Variants in CWC27 observed in about 807,000 individuals in gnomAD.
The protein encoded by CWC27 is spliceosome-associated protein CWC27 homolog.
Under a neutral mutation model 63.6 loss-of-function variants are expected in CWC27, and 47 were observed. That is an observed-to-expected ratio of 0.74 (90% CI 0.58 to 0.94). The LOEUF (loss-of-function observed/expected upper bound fraction) is 0.94. Ranked by LOEUF, CWC27 falls within the 40% of genes least tolerant of loss-of-function variation. The pLI, the probability that CWC27 is intolerant of heterozygous loss-of-function variation, is 0.00. For synonymous variants in CWC27, 175 were observed against 179.8 expected, an observed-to-expected ratio of 0.97 and a Z score of 0.22; for missense variants, 495 against 554.3, an observed-to-expected ratio of 0.89 and a Z score of 1.07.
rs531016017 is a variant in CWC27, at chr5:64,950,584, A to G, written c.1043-21119A>G. 2.6e-5 allele frequency among the ~76,000 whole-genome samples: 4 copies of G among 152,158 alleles called. No individual in the cohort carries two copies. In the South Asian group the frequency reaches 8.3e-4, roughly 31 times the overall value. ...CATTTGAATTATTTTGCTATTTTAC[A>G]TTATGGAGAATAAGGCAAGGTGTGG... is the stretch of plus-strand genomic sequence containing the variant. On this transcript the variant is annotated intron_variant, in intron 11 of 13. Coordinates refer to ENST00000381070, the MANE Select transcript of CWC27 (RefSeq NM_005869.4).
intron 11 of CWC27, among the ~76,000 whole-genome samples, chr5:64,908,275 T>C (rs1443393456): frequency 1.3e-5 from 2 of 152,224 alleles, no homozygotes; most frequent in Non-Finnish European, 2.9e-5. Flanking sequence ...TCTGTTCTTT[T>C]ACATTTGCTG....
intron 11 of CWC27, among the ~76,000 whole-genome samples, chr5:64,937,921 C>CTTTT (rs1211082437): frequency 4.0e-5 from 4 of 99,298 alleles, no homozygotes; most frequent in Non-Finnish European, 6.0e-5. Flanking sequence ...GCAATCTCTG[C>CTTTT]TTTTTTTTTT....
intron 10 of CWC27, among the ~76,000 whole-genome samples, chr5:64,880,953 G>C (rs1746922418): frequency 6.7e-6 from 1 of 150,118 alleles, no homozygotes; most frequent in East Asian, 2.0e-4. Context: ...TAGTTTGGCA[G>C]TATATGGTGA....
intron 11 of CWC27, among the ~76,000 whole-genome samples, chr5:64,942,536 A>G (rs550839663): frequency 6.6e-6 from 1 of 152,080 alleles, no homozygotes; most frequent in South Asian, 2.1e-4. Context: ...TATGTATAAT[A>G]TATTTAAGGC....
chr5:64,949,854 G>A (rs1326619814), intron 11 of CWC27, among the ~76,000 whole-genome samples: 2 of 151,772 alleles, frequency 1.3e-5, no homozygotes, highest in African/African-American at 2.4e-5. Flanking sequence ...TTCATCATTG[G>A]ACCAGTGTTT....
intron 11 of CWC27, among the ~76,000 whole-genome samples, chr5:64,951,697 G>A (rs947670192): frequency 6.6e-6 from 1 of 151,842 alleles, no homozygotes; most frequent in Admixed American, 6.6e-5. Flanking sequence ...TTCATATATA[G>A]ATTTCTCTGT....
At chr5:64,804,071 A>G (rs572688195) in intron 9 of CWC27, among the ~76,000 whole-genome samples, 158 bp from the exon 10 acceptor site, 6 of 152,090 alleles carry the variant, frequency 3.9e-5, no homozygotes, top group African/African-American at 1.4e-4. Flanking sequence ...CACCTGTAGC[A>G]GATTCTTCAA....
chr5:64,775,111 C>T (rs1743395457), intron 2 of CWC27, among the ~76,000 whole-genome samples: 1 of 152,164 alleles, frequency 6.6e-6, no homozygotes, highest in Admixed American at 6.5e-5. Context: ...TCTCTATTGT[C>T]ATCACTCTCT....
At chr5:64,988,392 T>C (rs1449654749) in intron 13 of CWC27, among the ~76,000 whole-genome samples, 2 of 152,176 alleles carry the variant, frequency 1.3e-5, no homozygotes, top group African/African-American at 4.8e-5. Context: ...ACATTTTGAA[T>C]ATTATGAGTC....
Position 64,948,006 on chromosome 5 carries a change from G to A in CWC27, c.1043-23697G>A, listed in dbSNP as rs1748622264. Among the ~76,000 whole-genome samples, 7 of 152,110 alleles carry A rather than the reference G, an allele frequency of 4.6e-5. No homozygotes were observed. The South Asian group carries it at 1.2e-3, about 27-fold the overall frequency. ...CTTGTCAGTTCTGCTAAGTGCTCAG[G>A]TATGCACAGAGAATTTCCAGACACT... On this transcript the variant is annotated intron_variant, in intron 11 of 13. Transcript: ENST00000381070.
intron 8 of CWC27, 22 bp from the exon 9 acceptor site, chr5:64,801,280 G>A (rs774693768): frequency 7.1e-6 from 10 of 1,411,320 alleles, no homozygotes; most frequent in Non-Finnish European, 8.6e-6. Flanking sequence ...ACTAAAATTT[G>A]TTTTGCTTAT....
In CWC27 at chr5:65,018,231, A is replaced by C; in HGVS notation, c.1329A>C (p.Thr443=). The C allele has an allele frequency of 6.2e-7, 1 of 1,610,146 alleles. No homozygotes were observed. Among genetic ancestry groups the C allele is most frequent in the Non-Finnish European group, 8.5e-7 (1 of 1,178,568 alleles). ...VKDASMQDSD[T]FEIYDPRNPV... ...ATGCAAGCATGCAAGACTCAGATACATTTGAAATCTATGATCCTCGGAATC... is the reference window on the plus strand; with the variant it reads ...ATGCAAGCATGCAAGACTCAGATACCTTTGAAATCTATGATCCTCGGAATC... The change falls in exon 14 of 14, where the codon ACA becomes ACC. Residue 443 remains threonine, a synonymous_variant. Transcript: ENST00000381070.
intron 13 of CWC27, among the ~76,000 whole-genome samples, chr5:64,983,333 C>T (rs937792850): frequency 6.6e-6 from 1 of 152,128 alleles, no homozygotes; most frequent in Non-Finnish European, 1.5e-5. Context: ...ATCTGCTTTA[C>T]TCTGTTTTAT....
chr5:64,941,372 C>T (rs753825583), intron 11 of CWC27, among the ~76,000 whole-genome samples: 13 of 152,130 alleles, frequency 8.5e-5, no homozygotes, highest in Non-Finnish European at 1.3e-4. Context: ...TTAGTCTTTG[C>T]CCCTTTCCAT....
chr5:64,889,350 A>G (rs571463720), intron 11 of CWC27, among the ~76,000 whole-genome samples: 69 of 152,332 alleles, frequency 4.5e-4, no homozygotes, highest in Admixed American at 2.1e-3. Flanking sequence ...TTAAAGTTAT[A>G]TGGTAACTGT....
chr5:64,863,609 G>A (rs957066282), intron 10 of CWC27, among the ~76,000 whole-genome samples: 8 of 151,708 alleles, frequency 5.3e-5, no homozygotes, highest in Admixed American at 6.6e-5. Flanking sequence ...ATCCTTCCAC[G>A]TCAGCCTCCC....
intron 10 of CWC27, among the ~76,000 whole-genome samples, chr5:64,862,386 A>G (rs1232493471): frequency 6.7e-6 from 1 of 148,984 alleles, no homozygotes; most frequent in Non-Finnish European, 1.5e-5. Flanking sequence ...ACAAAACCCT[A>G]GAAGAAAACA....
chr5:64,860,315 G>A (rs1746365929), intron 10 of CWC27, among the ~76,000 whole-genome samples: 1 of 151,980 alleles, frequency 6.6e-6, no homozygotes, highest in African/African-American at 2.4e-5. Context: ...TGAATAAAAT[G>A]CAAAAATTAT....
rs1171007092 is a variant in CWC27 at position 64,933,783 on chromosome 5, G to A, written c.1043-37920G>A. Among the ~76,000 whole-genome samples the A allele has an allele frequency of 2.0e-5, 3 of 152,174 alleles. No individual in the cohort carries two copies. The East Asian group carries it at 5.8e-4, about 29-fold the overall frequency. On this transcript the variant is annotated intron_variant, in intron 11 of 13. Coordinates refer to ENST00000381070, the MANE Select transcript of CWC27 (RefSeq NM_005869.4). ...TGGGATTACAGGCGTGAGCCACCAC[G>A]CCTAGCCACATGCATACATTTTTCT...
Sources: gnomAD v4.1 joint callset for allele counts (sites outside exome capture counted in the v4.1 genomes callset) on GRCh38, gnomAD v4.1.1 for gene constraint, MANE v1.5 for transcripts, NCBI Gene and HGNC (gene_info 2026-07-23, HGNC 2026-07-21) for gene names.